OXR1: variants seen among roughly 807,000 people sequenced by gnomAD.
The protein encoded by OXR1 is oxidation resistance protein 1.
Under a neutral mutation model 104.6 loss-of-function variants are expected in OXR1, and 41 were observed. The observed-to-expected ratio is 0.39, with a 90% CI of 0.31 to 0.51. The LOEUF is 0.51. Among genes scored for constraint, OXR1 ranks in the 20% least tolerant of loss-of-function variants. OXR1 has a pLI of 0.77. For synonymous variants in OXR1, 348 were observed against 348.4 expected, an observed-to-expected ratio of 1.00 and a Z score of 0.01; for missense variants, 955 against 1,031.9, an observed-to-expected ratio of 0.93 and a Z score of 1.02.
At position 106,346,834 on chromosome 8, in the gene OXR1, T is replaced by C. The variant is rs545969818; in HGVS notation, c.-138-12642T>C. ...GCGGGCGGATCACGGGGTCAAGAGA[T>C]AGAGACCATCTTGGCTAACACGGTG... On this transcript the variant is annotated intron_variant, in intron 1 of 16. Transcript: ENST00000517566. Among the ~76,000 whole-genome samples the C allele has an allele frequency of 2.9e-3, 443 of 152,262 alleles. 1 individual carries two copies. The highest frequency in any genetic ancestry group is 4.2e-3 in the Admixed American group (65 of 15,304).
rs1835891193 is a variant in OXR1 at position 106,751,573 on chromosome 8, C to T, written c.*632C>T. 1 of 152,480 alleles carries T rather than the reference C, an allele frequency of 6.6e-6. No individual in the cohort carries two copies. The highest frequency in any genetic ancestry group is 1.5e-5 in the Non-Finnish European group (1 of 67,994). 9.4% of individuals were successfully genotyped at this position (152,480 alleles called of 1,614,324 possible). A position where few individuals can be genotyped will look rare whatever the true frequency, so the allele number is the denominator to read the frequency against. On this transcript the variant is annotated 3_prime_UTR_variant, in exon 17 of 17. Coordinates refer to ENST00000517566, the MANE Select transcript of OXR1 (RefSeq NM_001198533.2). ...GGAGAATTCTGGTTGTAATAGATGA[C>T]AGTACATATGATCTGCAGGTTTGGG...
At chr8:106,577,458 C>T (rs1192423925) in intron 3 of OXR1, among the ~76,000 whole-genome samples, 4 of 132,124 alleles carry the variant, frequency 3.0e-5, no homozygotes, top group Non-Finnish European at 6.2e-5. Context: ...GGCATCATCT[C>T]GGCTCACTGC....
chr8:106,292,078 AT>A (rs1292671400), intron 1 of OXR1, among the ~76,000 whole-genome samples: 2 of 152,228 alleles, frequency 1.3e-5, no homozygotes, highest in Non-Finnish European at 2.9e-5. Flanking sequence ...TGGGGTGTGA[AT>A]CATCCTTTTG....
At chr8:106,436,233 G>T (rs773451279) in intron 2 of OXR1, among the ~76,000 whole-genome samples, 5 of 151,932 alleles carry the variant, frequency 3.3e-5, no homozygotes, top group South Asian at 4.2e-4. Context: ...TGTCATTTCT[G>T]GTTGGCATGA....
intron 3 of OXR1, among the ~76,000 whole-genome samples, chr8:106,543,629 T>A (rs1815128780): frequency 1.3e-5 from 2 of 152,176 alleles, no homozygotes; most frequent in African/African-American, 4.8e-5. Context: ...AAGAAATAAC[T>A]TCTTAATACA....
In OXR1 at chr8:106,360,678, A is replaced by G. The variant is rs16874426; in HGVS notation, c.23+1042A>G. 3.5e-3 allele frequency among the ~76,000 whole-genome samples: 526 copies of G among 152,240 alleles called. 24 individuals carry two copies. In the East Asian group the frequency reaches 0.094, roughly 27 times the overall value. On this transcript the variant is annotated intron_variant, in intron 2 of 16. Transcript: ENST00000517566. ...AAGAAACTAAAGTATAATCAAACAA[A>G]TTTCATTTAAACTTTGAATTATTAC...
intron 11 of OXR1, among the ~76,000 whole-genome samples, chr8:106,716,630 C>A (rs1347153941): frequency 1.4e-4 from 10 of 71,474 alleles, no homozygotes; most frequent in Non-Finnish European, 2.4e-4. Context: ...GACTCCGTCT[C>A]AAAAAAAAAA....
chr8:106,650,190 C>A (rs1296751933), intron 3 of OXR1, among the ~76,000 whole-genome samples: 1 of 152,286 alleles, frequency 6.6e-6, no homozygotes, highest in East Asian at 1.9e-4. Flanking sequence ...TTTACAGGCA[C>A]TCTTGTAGGC....
chr8:106,752,505 A>G lies in OXR1; in HGVS notation c.*1564A>G, dbSNP rs1486794655. ...TCTCATTATAAGTTAGTAACAATAT[A>G]TAGATTAAATGTTTACAATATAGGG... is the stretch of plus-strand genomic sequence containing the variant. On this transcript the variant is annotated 3_prime_UTR_variant, in exon 17 of 17. Coordinates refer to ENST00000517566, the MANE Select transcript of OXR1 (RefSeq NM_001198533.2). 2 of 152,558 alleles carry G rather than the reference A, an allele frequency of 1.3e-5. No individual in the cohort carries two copies. Among genetic ancestry groups the G allele is most frequent in the African/African-American group, 2.4e-5 (1 of 41,462 alleles). 9.5% of individuals were successfully genotyped at this position (152,558 alleles called of 1,614,324 possible).
chr8:106,560,975 G>A (rs764353276), intron 3 of OXR1, among the ~76,000 whole-genome samples: 12 of 152,124 alleles, frequency 7.9e-5, no homozygotes, highest in Non-Finnish European at 1.3e-4. Flanking sequence ...GGTGCATTCC[G>A]GCCCAGATAC....
At chr8:106,517,997 A>G (rs1166810229) in intron 2 of OXR1, among the ~76,000 whole-genome samples, 1 of 152,186 alleles carries the variant, frequency 6.6e-6, no homozygotes, top group Non-Finnish European at 1.5e-5. Context: ...GGTCCACGTC[A>G]TGGGAAGCTT....
At chr8:106,347,399 T>C (rs752980494) in intron 1 of OXR1, among the ~76,000 whole-genome samples, 5 of 152,216 alleles carry the variant, frequency 3.3e-5, no homozygotes, top group Non-Finnish European at 5.9e-5. Flanking sequence ...CTCTTAGAAG[T>C]AGACATTAGT....
At chr8:106,505,827 G>A (rs1812123330) in intron 2 of OXR1, among the ~76,000 whole-genome samples, 1 of 152,204 alleles carries the variant, frequency 6.6e-6, no homozygotes. Flanking sequence ...AAGATGCTTA[G>A]AAATTCATCC....
chr8:106,735,407 G>C (rs1237655217), intron 11 of OXR1, among the ~76,000 whole-genome samples: 1 of 152,050 alleles, frequency 6.6e-6, no homozygotes, highest in African/African-American at 2.4e-5. Flanking sequence ...TAGCCTTATG[G>C]CGATTTATTG....
intron 3 of OXR1, among the ~76,000 whole-genome samples, chr8:106,568,606 G>T (rs1817245186): frequency 6.6e-6 from 1 of 151,992 alleles, no homozygotes; most frequent in Non-Finnish European, 1.5e-5. Flanking sequence ...TTTTCCTTTT[G>T]TCACTGAGGT....
chr8:106,415,266 A>T (rs182265714), intron 2 of OXR1, among the ~76,000 whole-genome samples: 4 of 152,126 alleles, frequency 2.6e-5, no homozygotes, highest in South Asian at 2.1e-4. Context: ...ATCTATTGCC[A>T]TCTGTCTTAT....
chr8:106,632,388 G>T (rs1822762796), intron 3 of OXR1, among the ~76,000 whole-genome samples: 1 of 152,102 alleles, frequency 6.6e-6, no homozygotes, highest in African/African-American at 2.4e-5. Context: ...TATTGTGTTT[G>T]TTTCTGGATA....
intron 2 of OXR1, among the ~76,000 whole-genome samples, chr8:106,480,058 A>G (rs1013580489): frequency 2.0e-5 from 3 of 151,946 alleles, no homozygotes; most frequent in Admixed American, 6.6e-5. Flanking sequence ...TTTAACAACT[A>G]TGGTAGCAAT....
chr8:106,648,852 A>G (rs544412346), intron 3 of OXR1, among the ~76,000 whole-genome samples: 1 of 152,372 alleles, frequency 6.6e-6, no homozygotes, highest in East Asian at 1.9e-4. Flanking sequence ...AAGGAGAACT[A>G]ATAGAAATTG....
Sources: allele counts gnomAD v4.1 joint callset (sites outside exome capture counted in the v4.1 genomes callset), GRCh38; gene constraint gnomAD v4.1.1; transcripts MANE v1.5; gene names NCBI Gene and HGNC (gene_info 2026-07-23, HGNC 2026-07-21).